Variants in RANBP17 observed in about 807,000 individuals in gnomAD.
The protein encoded by RANBP17 is RAN binding protein 17.
RANBP17 carries 158 observed loss-of-function variants against 141.2 expected under a neutral mutation model. That is an observed-to-expected ratio of 1.12 (90% CI 0.98 to 1.28). RANBP17 has a LOEUF of 1.28. Ranked by LOEUF, RANBP17 falls within the 50% of genes most tolerant of loss-of-function variation. The pLI is 0.00. For missense variants in RANBP17, 1,438 were observed against 1,290.7 expected (o/e 1.11, Z -1.75); for synonymous variants, 430 against 450.0 (o/e 0.96, Z 0.56).
At chr5:171,152,641 T>C (rs7723591) in intron 14 of RANBP17, among the ~76,000 whole-genome samples, 8,577 of 152,182 alleles carry the variant, frequency 0.056, 294 homozygotes, top group East Asian at 0.12. Flanking sequence ...CACAGCTCCC[T>C]TCTGTCATGC....
intron 16 of RANBP17, among the ~76,000 whole-genome samples, chr5:171,173,706 G>A (rs1245176259): frequency 1.3e-5 from 2 of 152,086 alleles, no homozygotes; most frequent in Non-Finnish European, 1.5e-5. Flanking sequence ...AGTGAGCATC[G>A]GAATGTGAGT....
At chr5:171,193,110 G>A (rs369405661) in intron 18 of RANBP17, among the ~76,000 whole-genome samples, 6 of 152,076 alleles carry the variant, frequency 3.9e-5, no homozygotes, top group African/African-American at 1.4e-4. Flanking sequence ...TATTTTCTTC[G>A]CCCAGTGCCT....
intron 14 of RANBP17, among the ~76,000 whole-genome samples, chr5:171,139,060 A>T (rs1261877776): frequency 2.0e-5 from 3 of 152,164 alleles, no homozygotes; most frequent in South Asian, 2.1e-4. Flanking sequence ...CCTGGGCAAC[A>T]TACTGAGACC....
chr5:171,192,451 A>T (rs906936562), intron 18 of RANBP17, among the ~76,000 whole-genome samples: 2 of 152,092 alleles, frequency 1.3e-5, no homozygotes, highest in Admixed American at 6.5e-5. Flanking sequence ...TTCTTTGAAA[A>T]TGGGTAGCTA....
chr5:171,056,850 T>G (rs946147278), intron 14 of RANBP17, among the ~76,000 whole-genome samples: 1 of 152,164 alleles, frequency 6.6e-6, no homozygotes. Flanking sequence ...AAACCTTTAC[T>G]CATTAAGGGG....
chr5:171,140,873 G>A (rs865831427), intron 14 of RANBP17, among the ~76,000 whole-genome samples: 45 of 152,244 alleles, frequency 3.0e-4, no homozygotes, highest in African/African-American at 1.1e-3. Flanking sequence ...ATGAAGACAT[G>A]AAAAGCTATT....
chr5:170,994,151 C>T (rs1778676343), intron 14 of RANBP17, among the ~76,000 whole-genome samples: 1 of 152,020 alleles, frequency 6.6e-6, no homozygotes. Flanking sequence ...CCACCCCACT[C>T]CATAGAAATT....
intron 14 of RANBP17, among the ~76,000 whole-genome samples, chr5:171,029,887 C>T (rs187212015): frequency 3.9e-4 from 59 of 151,984 alleles, no homozygotes; most frequent in Admixed American, 9.2e-4. Context: ...TTAAGTCTTA[C>T]AAAACATTAA....
Position 170,978,174 on chromosome 5 carries a change from G to A in RANBP17, c.1710+9797G>A, listed in dbSNP as rs149065477. On this transcript the variant is annotated intron_variant, in intron 14 of 27. Transcript: ENST00000523189. ...CTAAGTGAAATATCACTGCTCATCT[G>A]ACAAAATGGCTAAAAATTTTAAAAA... Among the ~76,000 whole-genome samples the A allele has an allele frequency of 5.2e-3, 785 of 152,194 alleles. 6 individuals are homozygous for A. Among genetic ancestry groups the A allele is most frequent in the African/African-American group, 0.018 (745 of 41,554 alleles).
intron 16 of RANBP17, among the ~76,000 whole-genome samples, chr5:171,173,522 A>G (rs1382124463): frequency 1.3e-5 from 2 of 151,688 alleles, no homozygotes; most frequent in Non-Finnish European, 2.9e-5. Flanking sequence ...TATTTTTTCT[A>G]TTTTATCTGC....
chr5:170,949,047 C>T (rs995869130), intron 12 of RANBP17, among the ~76,000 whole-genome samples: 14 of 151,942 alleles, frequency 9.2e-5, no homozygotes, highest in East Asian at 3.9e-4. Flanking sequence ...CCCAGCTGTT[C>T]GGGAGGATCA....
In RANBP17 at chr5:171,274,149, T is replaced by TGTGTGTGC. The variant is rs34291143; in HGVS notation, c.2943+8303_2943+8304insTGTGTGCG. ...GTGTGTGTGTGTGTGTGTGTGTGTG[T>TGTGTGTGC]GCGCGCGCGCGCGCGTGCGCAAAAT... On this transcript the variant is annotated intron_variant, in intron 25 of 27. Transcript: ENST00000523189. Among the ~76,000 whole-genome samples the TGTGTGTGC allele has an allele frequency of 1.8e-3, 226 of 126,776 alleles. 2 individuals are homozygous for TGTGTGTGC. Among genetic ancestry groups the TGTGTGTGC allele is most frequent in the Middle Eastern group, 7.8e-3 (2 of 258 alleles). The allele number at this position is 126,776 out of a possible 152,430, so 83.2% of individuals were successfully genotyped here. A position where few individuals can be genotyped will look rare whatever the true frequency, so the allele number is the denominator to read the frequency against.
chr5:170,897,078 C>G, intron 5 of RANBP17: 1 of 835,848 alleles, frequency 1.2e-6, no homozygotes, highest in Non-Finnish European at 2.0e-6. Context: ...ATGTGGATAC[C>G]AGCTGTCTTG....
intron 25 of RANBP17, chr5:171,271,307 C>G: frequency 9.4e-6 from 2 of 213,424 alleles, no homozygotes; most frequent in Non-Finnish European, 1.9e-5. Context: ...AAAGGGAAAT[C>G]ATCTGCTCTT....
intron 21 of RANBP17, among the ~76,000 whole-genome samples, chr5:171,217,826 A>C (rs1281093365): frequency 1.3e-5 from 2 of 151,718 alleles, no homozygotes; most frequent in East Asian, 3.9e-4. Context: ...CTATTTTGTT[A>C]ATTTTTTCAA....
intron 14 of RANBP17, among the ~76,000 whole-genome samples, chr5:171,133,941 G>A (rs1245639152): frequency 6.6e-6 from 1 of 152,066 alleles, no homozygotes; most frequent in African/African-American, 2.4e-5. Context: ...TTGCACATTT[G>A]GATCATTTAA....
intron 19 of RANBP17, among the ~76,000 whole-genome samples, chr5:171,202,290 C>T (rs1003351239): frequency 1.3e-5 from 2 of 152,042 alleles, no homozygotes; most frequent in African/African-American, 2.4e-5. Context: ...TCTTTCAAAA[C>T]GTATGTTTCC....
intron 14 of RANBP17, among the ~76,000 whole-genome samples, chr5:171,105,284 AGGCAGGAGAAT>A (rs2127749991): frequency 7.1e-6 from 1 of 141,804 alleles, no homozygotes; most frequent in South Asian, 2.4e-4. Flanking sequence ...TGGGAGGCTG[AGGCAGGAGAAT>A]GGCGTGAACC....
intron 5 of RANBP17, among the ~76,000 whole-genome samples, chr5:170,901,860 C>T (rs1770665478): frequency 6.6e-6 from 1 of 152,226 alleles, no homozygotes; most frequent in Non-Finnish European, 1.5e-5. Flanking sequence ...CCACTCTCTT[C>T]TGGCTTGTAG....
Sources: allele counts gnomAD v4.1 joint callset (sites outside exome capture counted in the v4.1 genomes callset), GRCh38; gene constraint gnomAD v4.1.1; transcripts MANE v1.5; gene names NCBI Gene and HGNC (gene_info 2026-07-23, HGNC 2026-07-21).